Variants in MFSD8 observed in about 807,000 individuals in gnomAD.
The protein encoded by MFSD8 is major facilitator superfamily domain-containing protein 8.
A neutral mutation model predicts 66.4 loss-of-function variants in MFSD8; 55 were observed. The ratio of observed to expected loss-of-function variants is 0.83; its 90% confidence interval spans 0.67 to 1.04. The LOEUF (loss-of-function observed/expected upper bound fraction) is 1.04. Ranked by LOEUF, MFSD8 falls within the 50% of genes least tolerant of loss-of-function variation. MFSD8 has a pLI of 0.00. For missense variants in MFSD8, 550 were observed against 627.6 expected, an observed-to-expected ratio of 0.88 and a Z score of 1.32; for synonymous variants, 202 against 212.8, an observed-to-expected ratio of 0.95 and a Z score of 0.44.
At chr4:127,957,197 T>C (rs1289262152) in intron 2 of MFSD8, among the ~76,000 whole-genome samples, 1 of 152,170 alleles carries the variant, frequency 6.6e-6, no homozygotes, top group East Asian at 1.9e-4. Flanking sequence ...ATATGAGCTA[T>C]CTAGAATAGT....
At chr4:127,952,853 G>C (rs1033344783) in intron 2 of MFSD8, among the ~76,000 whole-genome samples, 12 of 132,980 alleles carry the variant, frequency 9.0e-5, no homozygotes, top group African/African-American at 3.5e-4. Flanking sequence ...CTGGAAGACA[G>C]AGTGAGACTC....
At chr4:127,938,604 T>TAA (rs372414998) in intron 7 of MFSD8, among the ~76,000 whole-genome samples, 179 bp downstream of exon 7, 1 of 137,450 alleles carries the variant, frequency 7.3e-6, no homozygotes, top group Admixed American at 7.3e-5. Flanking sequence ...AATAAATAAA[T>TAA]AAATAAATAA....
chr4:127,947,863 AACACAC>A (rs10648496), intron 3 of MFSD8, among the ~76,000 whole-genome samples: 111 of 141,182 alleles, frequency 7.9e-4, no homozygotes, highest in South Asian at 1.7e-3. Flanking sequence ...TGCACGTGTG[AACACAC>A]ACACACACAC....
At chr4:127,945,193 T>A (rs1740834120) in intron 3 of MFSD8, 1 of 152,204 alleles carries the variant, frequency 6.6e-6, no homozygotes, top group African/African-American at 2.4e-5. Flanking sequence ...ATCTTCCTAT[T>A]TAATGGCTTT....
intron 2 of MFSD8, among the ~76,000 whole-genome samples, chr4:127,956,948 T>C (rs1237110196): frequency 6.6e-6 from 1 of 152,178 alleles, no homozygotes; most frequent in Non-Finnish European, 1.5e-5. Context: ...TTAAAAAATA[T>C]TAACATCAAA....
intron 2 of MFSD8, among the ~76,000 whole-genome samples, chr4:127,951,698 A>C (rs1001576825): frequency 6.6e-6 from 1 of 150,670 alleles, no homozygotes; most frequent in Non-Finnish European, 1.5e-5. Context: ...AATATAATAC[A>C]TGGTCTTTTG....
intron 11 of MFSD8, 108 bp downstream of exon 11, chr4:127,921,416 T>TA (rs1736320256): frequency 3.2e-6 from 5 of 1,568,758 alleles, no homozygotes; most frequent in Non-Finnish European, 4.4e-6. Flanking sequence ...CTGAATATGA[T>TA]AAAAATCCCT....
At position 127,938,598 on chromosome 4, in the gene MFSD8, AAT is replaced by A. The variant is rs1454910501; in HGVS notation, c.754+183_754+184del. Among the ~76,000 whole-genome samples, 266 of 121,074 alleles carry A rather than the reference AAT, an allele frequency of 2.2e-3. 3 individuals carry two copies. Among genetic ancestry groups the A allele is most frequent in the African/African-American group, 0.01 (254 of 25,132 alleles). The allele number at this position is 121,074 out of a possible 152,430, so 79.4% of individuals were successfully genotyped here. On this transcript the variant is annotated intron_variant, in intron 7 of 11. Transcript: ENST00000641686. Reference sequence around the variant, plus strand: ...ACTCTGTCTCAAAAAAAAAAAAATAAATAAATAAATAAATAAATAAATAAATA... The same window carrying A: ...ACTCTGTCTCAAAAAAAAAAAAATAAAAATAAATAAATAAATAAATAAATA...
chr4:127,918,270 T>TC lies in MFSD8; in HGVS notation c.*2359dup, dbSNP rs1428442847. The TC allele has an allele frequency of 6.6e-6, 1 of 152,228 alleles. No homozygotes were observed. The highest frequency in any genetic ancestry group is 1.5e-5 in the Non-Finnish European group (1 of 68,044). The allele number at this position is 152,228 out of a possible 1,614,324, so 9.4% of individuals were successfully genotyped here. ...AAGACATCAACATGGTGATTTTTTTTCCTCAAACTTTATCTCCTTGCTCTT... is the reference window on the plus strand; with the variant it reads ...AAGACATCAACATGGTGATTTTTTTTCCCTCAAACTTTATCTCCTTGCTCTT... On this transcript the variant is annotated 3_prime_UTR_variant, in exon 12 of 12. Transcript: ENST00000641686.
At chr4:127,938,863 G>C in intron 6 of MFSD8, 25 bp from the exon 7 acceptor site, 1 of 1,576,888 alleles carries the variant, frequency 6.3e-7, no homozygotes, top group Non-Finnish European at 8.7e-7. Context: ...CACAAATATT[G>C]TACCTATAAA....
At chr4:127,948,933 G>T (rs974307300) in intron 3 of MFSD8, among the ~76,000 whole-genome samples, 1 of 152,162 alleles carries the variant, frequency 6.6e-6, no homozygotes, top group African/African-American at 2.4e-5. Context: ...CTGGTTTAGG[G>T]TATTCTGTTA....
At chr4:127,947,365 G>C (rs1416403747) in intron 3 of MFSD8, among the ~76,000 whole-genome samples, 1 of 152,112 alleles carries the variant, frequency 6.6e-6, no homozygotes, top group Non-Finnish European at 1.5e-5. Flanking sequence ...TGGACCACCT[G>C]AGGTCAGGTA....
intron 9 of MFSD8, among the ~76,000 whole-genome samples, chr4:127,923,188 G>A (rs1361674971): frequency 6.6e-6 from 1 of 152,144 alleles, no homozygotes; most frequent in African/African-American, 2.4e-5. Flanking sequence ...GTGAGAGAGG[G>A]TATCCTTGTC....
chr4:127,944,040 T>G (rs752615218), intron 3 of MFSD8, 48 bp from the exon 4 acceptor site: 1 of 1,612,498 alleles, frequency 6.2e-7, no homozygotes, highest in Non-Finnish European at 8.5e-7. Context: ...CAAGAAAAGT[T>G]TAAAACTAAA....
intron 3 of MFSD8, among the ~76,000 whole-genome samples, chr4:127,948,834 G>C (rs1264263441): frequency 1.8e-4 from 28 of 152,208 alleles, no homozygotes; most frequent in Admixed American, 1.8e-3. Context: ...CCACCAGCAA[G>C]AAGGCCCTCA....
At chr4:127,924,093 T>A (rs1286278736) in intron 9 of MFSD8, among the ~76,000 whole-genome samples, 1 of 152,152 alleles carries the variant, frequency 6.6e-6, no homozygotes, top group Non-Finnish European at 1.5e-5. Flanking sequence ...GTACCTCCAG[T>A]AGAATTCGGC....
chr4:127,944,258 G>A lies in MFSD8; in HGVS notation c.199-266C>T, dbSNP rs557661274. On this transcript the variant is annotated intron_variant, in intron 3 of 11. Coordinates refer to ENST00000641686, the MANE Select transcript of MFSD8 (RefSeq NM_001371596.2). ...AAATTTTTGGTTCATATAAACCTTG[G>A]TAAGAAGATAATCACACACACTATA... Among the ~76,000 whole-genome samples, 8 of 152,190 alleles carry A rather than the reference G, an allele frequency of 5.3e-5. No individual in the cohort carries two copies. The South Asian group carries it at 1.2e-3, about 24-fold the overall frequency.
At position 127,938,592 on chromosome 4, in the gene MFSD8, AAAAT is replaced by A. The variant is rs376661613; in HGVS notation, c.754+187_754+190del. On this transcript the variant is annotated intron_variant, in intron 7 of 11. Coordinates refer to ENST00000641686, the MANE Select transcript of MFSD8 (RefSeq NM_001371596.2). ...AGCGAAACTCTGTCTCAAAAAAAAAAAAATAAATAAATAAATAAATAAATAAATA... is the reference window on the plus strand; with the variant it reads ...AGCGAAACTCTGTCTCAAAAAAAAAAAAATAAATAAATAAATAAATAAATA... 0.081 allele frequency among the ~76,000 whole-genome samples: 10,574 copies of A among 129,888 alleles called. 509 individuals carry two copies. Among genetic ancestry groups the A allele is most frequent in the African/African-American group, 0.14 (4,283 of 30,808 alleles). The allele number at this position is 129,888 out of a possible 152,430, so 85.2% of individuals were successfully genotyped here.
At chr4:127,958,285 C>T (rs1029845734) in intron 1 of MFSD8, among the ~76,000 whole-genome samples, 5 of 152,152 alleles carry the variant, frequency 3.3e-5, no homozygotes, top group African/African-American at 1.2e-4. Context: ...AGTCTATATA[C>T]TCATTACATT....
Sources: allele counts gnomAD v4.1 joint callset (sites outside exome capture counted in the v4.1 genomes callset), GRCh38; gene constraint gnomAD v4.1.1; transcripts MANE v1.5; gene names NCBI Gene and HGNC (gene_info 2026-07-23, HGNC 2026-07-21).